PLA2R1: variants seen among roughly 807,000 people sequenced by gnomAD.
PLA2R1 encodes secretory phospholipase A2 receptor.
PLA2R1 carries 158 observed loss-of-function variants against 195.9 expected under a neutral mutation model. The observed-to-expected ratio is 0.81, with a 90% CI of 0.71 to 0.92. The LOEUF (loss-of-function observed/expected upper bound fraction) is 0.92, where lower values mean the gene tolerates loss of function less well. Among genes scored for constraint, PLA2R1 ranks in the 40% least tolerant of loss-of-function variants. PLA2R1 has a pLI of 0.00. For synonymous variants in PLA2R1, 586 were observed against 598.2 expected (o/e 0.98, Z 0.30); for missense variants, 1,626 against 1,764.6 (o/e 0.92, Z 1.41).
chr2:160,050,091 C>A (rs1695123477), intron 1 of PLA2R1, among the ~76,000 whole-genome samples: 1 of 152,192 alleles, frequency 6.6e-6, no homozygotes, highest in Admixed American at 6.5e-5. Flanking sequence ...GCACATCCTG[C>A]ACGTGCATCC....
chr2:159,992,170 ATGG>A (rs1323407155), intron 11 of PLA2R1, among the ~76,000 whole-genome samples: 2 of 151,018 alleles, frequency 1.3e-5, no homozygotes, highest in African/African-American at 4.9e-5. Context: ...CTGGTGTGAG[ATGG>A]GTATCTCATT....
Position 160,020,258 on chromosome 2 carries a change from C to T in PLA2R1, c.1300G>A (p.Ala434Thr), listed in dbSNP as rs148457085. 247 of 1,607,308 alleles carry T rather than the reference C, an allele frequency of 1.5e-4. No individual in the cohort carries two copies. The African/African-American group carries it at 3.1e-3, about 20-fold the overall frequency. Residue 434 changes from alanine (A) to threonine (T), a missense_variant, in exon 8 of 30, where the codon GCA (alanine) becomes ACA (threonine). Ala to Thr is a moderately conservative substitution (Grantham distance 58, BLOSUM62 0). Coordinates refer to ENST00000283243, the MANE Select transcript of PLA2R1 (RefSeq NM_007366.5). The part of the protein sequence containing the change: ...FLVTLLGDEN[A>T]SETWIGLSSN... ...CTCAAACCAATCCATGTTTCTGATG[C>T]ATTTTCTGTAAGAGATAAATGTAAA...
At chr2:160,003,448 G>A (rs960022026) in intron 11 of PLA2R1, among the ~76,000 whole-genome samples, 9 of 151,874 alleles carry the variant, frequency 5.9e-5, no homozygotes, top group Admixed American at 1.3e-4. Context: ...TAAGTAATGA[G>A]AAAATAGAAA....
At chr2:160,020,073 CAA>C in intron 8 of PLA2R1, 31 bp downstream of exon 8, 1 of 1,572,970 alleles carries the variant, frequency 6.4e-7, no homozygotes, top group East Asian at 2.2e-5. Context: ...ACAAGACCAG[CAA>C]AGTGAGCACT....
chr2:160,041,274 C>T (rs1250340343), intron 3 of PLA2R1, among the ~76,000 whole-genome samples: 1 of 152,100 alleles, frequency 6.6e-6, no homozygotes, highest in Non-Finnish European at 1.5e-5. Flanking sequence ...TGTACTCTGA[C>T]TCACAGAAAC....
At chr2:160,029,016 TC>T in intron 4 of PLA2R1, 53 bp from the exon 5 acceptor site, 1 of 950,602 alleles carries the variant, frequency 1.1e-6, no homozygotes, top group Non-Finnish European at 1.7e-6. Flanking sequence ...TACACATCTT[TC>T]TTGTTCTCCT....
chr2:160,048,155 A>C (rs1212488162), intron 1 of PLA2R1, among the ~76,000 whole-genome samples: 1 of 152,224 alleles, frequency 6.6e-6, no homozygotes, highest in African/African-American at 2.4e-5. Flanking sequence ...AAACTTCCAA[A>C]TTAATAAATG....
rs746716868 is a variant in PLA2R1 at position 159,955,793 on chromosome 2, T to C, written c.3058A>G (p.Ser1020Gly). The C allele has an allele frequency of 1.9e-6, 3 of 1,598,826 alleles. No individual in the cohort carries two copies. In the South Asian group the frequency reaches 3.3e-5, roughly 18 times the overall value. Residue 1020 changes from serine (S) to glycine (G), a missense_variant, in exon 22 of 30, where the codon AGT becomes GGT. Coordinates refer to ENST00000283243, the MANE Select transcript of PLA2R1 (RefSeq NM_007366.5). ...ITMNLFGQTT[S>G]VWIGLQNDDY... The stretch of plus-strand genomic sequence containing the variant: ...TCATTTTGTAAACCTATCCACACAC[T>C]GGTGGTCTGGCCAAAAAGATTCATA...
At chr2:160,005,124 T>C (rs1389501459) in intron 11 of PLA2R1, among the ~76,000 whole-genome samples, 2 of 152,178 alleles carry the variant, frequency 1.3e-5, no homozygotes, top group Non-Finnish European at 2.9e-5. Flanking sequence ...TTTATACCTT[T>C]AACATGTCAA....
intron 27 of PLA2R1, 176 bp downstream of exon 27, chr2:159,946,625 A>G: frequency 7.5e-7 from 1 of 1,326,960 alleles, no homozygotes; most frequent in East Asian, 3.1e-5. Context: ...TTTAAAAGAC[A>G]AAAGGGTAAA....
At chr2:160,042,800 C>CGTGTGTGTGT (rs111414981) in intron 2 of PLA2R1, among the ~76,000 whole-genome samples, 2 of 119,608 alleles carry the variant, frequency 1.7e-5, no homozygotes, top group Non-Finnish European at 3.7e-5. Flanking sequence ...TGTGTGTGTG[C>CGTGTGTGTGT]GTGTGTGTGT....
intron 18 of PLA2R1, 54 bp from the exon 19 acceptor site, chr2:159,969,413 C>G (rs961477609): frequency 1.1e-6 from 1 of 916,304 alleles, no homozygotes; most frequent in Non-Finnish European, 1.8e-6. Flanking sequence ...TGTCCAGTCT[C>G]CAACATCATT....
In PLA2R1 at chr2:159,986,589, CTTTTTTT is replaced by C. The variant is rs113333927; in HGVS notation, c.2037+560_2037+566del. 5.2e-3 allele frequency among the ~76,000 whole-genome samples: 736 copies of C among 142,348 alleles called. 4 individuals carry two copies. Among genetic ancestry groups the C allele is most frequent in the African/African-American group, 0.018 (697 of 38,980 alleles). 93.4% of individuals were successfully genotyped at this position (142,348 alleles called of 152,430 possible). A position where few individuals can be genotyped will look rare whatever the true frequency, so the allele number is the denominator to read the frequency against. On this transcript the variant is annotated intron_variant, in intron 12 of 29. Coordinates refer to ENST00000283243, the MANE Select transcript of PLA2R1 (RefSeq NM_007366.5). ...TAGCGCATGCTATTTCTTTTCTTTC[CTTTTTTT>C]TTTTTTTTGATATAGAGACTCGCTG...
intron 20 of PLA2R1, among the ~76,000 whole-genome samples, chr2:159,967,235 A>C (rs113076535): frequency 2.0e-5 from 3 of 152,284 alleles, no homozygotes; most frequent in African/African-American, 7.2e-5. Context: ...ACATGCATAC[A>C]TACATATACA....
chr2:159,953,368 A>G (rs1394640955), intron 23 of PLA2R1, among the ~76,000 whole-genome samples: 1 of 152,256 alleles, frequency 6.6e-6, no homozygotes, highest in East Asian at 1.9e-4. Context: ...GTAAGCACAT[A>G]TGTATCTGAC....
Position 159,944,930 on chromosome 2 carries a change from C to CTT in PLA2R1, c.4118_4119dup (p.Gly1374LysfsTer33). 1 of 1,610,080 alleles carries CTT rather than the reference C, an allele frequency of 6.2e-7. No individual in the cohort carries two copies. The highest frequency in any genetic ancestry group is 8.5e-7 in the Non-Finnish European group (1 of 1,177,272). ...CCTGCCTCCATTTTACATATAAAGC[C>CTT]TTTTTTTTCTTGACACGGGGATAGC... On this transcript the variant is annotated frameshift_variant, in exon 28 of 30. Coordinates refer to ENST00000283243, the MANE Select transcript of PLA2R1 (RefSeq NM_007366.5). LOFTEE classifies it high-confidence loss of function.
chr2:159,968,450 C>G (rs1031348545), intron 19 of PLA2R1, among the ~76,000 whole-genome samples: 1 of 152,184 alleles, frequency 6.6e-6, no homozygotes, highest in East Asian at 1.9e-4. Context: ...AGCTGCTATT[C>G]TCCCAGACGC....
chr2:159,999,122 G>A (rs955540994), intron 11 of PLA2R1, among the ~76,000 whole-genome samples: 1 of 152,098 alleles, frequency 6.6e-6, no homozygotes, highest in East Asian at 1.9e-4. Context: ...ATGTGAGGGC[G>A]CTGCAAGAAG....
Position 160,036,654 on chromosome 2 carries a change from T to C in PLA2R1, c.668-3522A>G, listed in dbSNP as rs568317684. 3.3e-5 allele frequency among the ~76,000 whole-genome samples: 5 copies of C among 152,348 alleles called. No individual in the cohort carries two copies. The East Asian group carries it at 9.6e-4, about 29-fold the overall frequency. On this transcript the variant is annotated intron_variant, in intron 3 of 29. Coordinates refer to ENST00000283243, the MANE Select transcript of PLA2R1 (RefSeq NM_007366.5). Reference sequence around the variant, plus strand: ...CAAGGTCCTCTTCAGGTGCCTCTGCTGAGGCTGGGATGGAGTGGGAAGGAG... The same window carrying C: ...CAAGGTCCTCTTCAGGTGCCTCTGCCGAGGCTGGGATGGAGTGGGAAGGAG...
Sources: gnomAD v4.1 joint callset for allele counts (sites outside exome capture counted in the v4.1 genomes callset) on GRCh38, gnomAD v4.1.1 for gene constraint, MANE v1.5 for transcripts, NCBI Gene and HGNC (gene_info 2026-07-23, HGNC 2026-07-21) for gene names.